Variants in UGT2B10 observed in about 807,000 individuals in gnomAD.
UGT2B10 encodes UDP glucuronosyltransferase family 2 member B10.
A neutral mutation model predicts 43.7 loss-of-function variants in UGT2B10; 51 were observed. The ratio of observed to expected loss-of-function variants is 1.17; its 90% confidence interval spans 0.93 to 1.47. The LOEUF is 1.47. Ranked by LOEUF, UGT2B10 falls within the 40% of genes most tolerant of loss-of-function variation. The pLI is 0.00. For synonymous variants in UGT2B10, 225 were observed against 209.0 expected (o/e 1.08, Z -0.66); for missense variants, 696 against 617.7 (o/e 1.13, Z -1.34).
intron 5 of UGT2B10, among the ~76,000 whole-genome samples, chr4:68,829,025 C>A (rs550634984): frequency 1.3e-4 from 20 of 151,680 alleles, no homozygotes; most frequent in Admixed American, 3.3e-4. Context: ...AATTATATAC[C>A]CAACAGATAT....
intron 3 of UGT2B10, among the ~76,000 whole-genome samples, chr4:68,822,794 A>C (rs1377133726): frequency 6.6e-6 from 1 of 152,164 alleles, no homozygotes; most frequent in South Asian, 2.1e-4. Flanking sequence ...CTTTAGAATG[A>C]CTTTCAGGTG....
At chr4:68,819,011 T>C (rs1315393759) in intron 2 of UGT2B10, among the ~76,000 whole-genome samples, 3 of 151,866 alleles carry the variant, frequency 2.0e-5, no homozygotes, top group Non-Finnish European at 4.4e-5. Flanking sequence ...GACCGAAACA[T>C]TCAGGAAATT....
intron 3 of UGT2B10, among the ~76,000 whole-genome samples, chr4:68,824,716 T>C (rs981092297): frequency 6.6e-5 from 10 of 152,146 alleles, no homozygotes; most frequent in African/African-American, 2.2e-4. Context: ...GTTTCAAAAT[T>C]AGTAACAACA....
chr4:68,828,291 T>C (rs1737902939), intron 5 of UGT2B10, among the ~76,000 whole-genome samples: 1 of 151,650 alleles, frequency 6.6e-6, no homozygotes, highest in African/African-American at 2.4e-5. Context: ...GTTTAATTCA[T>C]GTCGTTGTGT....
chr4:68,830,893 T>A lies in UGT2B10; in HGVS notation c.*14T>A, dbSNP rs1738064548. 1 of 1,609,500 alleles carries A rather than the reference T, an allele frequency of 6.2e-7. No homozygotes were observed. The highest frequency in any genetic ancestry group is 1.1e-5 in the South Asian group (1 of 90,532). ...AAAAGGGATTAGTTATATCTGAGAT[T>A]TGAAGCTGGAAAACCTGATAGATAG... On this transcript the variant is annotated 3_prime_UTR_variant, in exon 6 of 6. Transcript: ENST00000265403.
chr4:68,816,079 G>T lies in UGT2B10; in HGVS notation c.60G>T (p.Gly20=). Residue 20 remains glycine, a synonymous_variant, in exon 1 of 6, where the codon GGG becomes GGT. Coordinates refer to ENST00000265403, the MANE Select transcript of UGT2B10 (RefSeq NM_001075.6). ...LIQLSFYFSS[G]SCGKVLVWAA... is the part of the protein sequence containing the mutation. The stretch of plus-strand genomic sequence containing the variant: ...AACTCAGTTTTTACTTTAGCTCTGG[G>T]AGTTGTGGAAAGGTGCTGGTATGGG... The T allele has an allele frequency of 5.6e-6, 9 of 1,613,124 alleles. No homozygotes were observed. Among genetic ancestry groups the T allele is most frequent in the Non-Finnish European group, 7.6e-6 (9 of 1,179,358 alleles).
intron 5 of UGT2B10, among the ~76,000 whole-genome samples, chr4:68,828,832 T>C (rs1318110720): frequency 6.6e-6 from 1 of 151,886 alleles, no homozygotes; most frequent in Admixed American, 6.6e-5. Context: ...ACTTAGGAAA[T>C]ATAAAAAGAT....
intron 2 of UGT2B10, among the ~76,000 whole-genome samples, chr4:68,821,551 T>C (rs536033728): frequency 2.0e-5 from 3 of 152,178 alleles, no homozygotes; most frequent in African/African-American, 7.2e-5. Flanking sequence ...CTACTAACTA[T>C]AAACTGTACA....
chr4:68,821,672 T>A (rs1357205224), intron 2 of UGT2B10, among the ~76,000 whole-genome samples: 1 of 152,184 alleles, frequency 6.6e-6, no homozygotes, highest in South Asian at 2.1e-4. Flanking sequence ...TTTTTTATTT[T>A]ATTTTTTGAA....
chr4:68,827,564 T>C lies in UGT2B10; in HGVS notation c.1307+16T>C. On this transcript the variant is annotated intron_variant, in intron 5 of 5. Coordinates refer to ENST00000265403, the MANE Select transcript of UGT2B10 (RefSeq NM_001075.6). ...ATGATCCTTCGTGAGTAGAACAATA[T>C]TTTTCACTAGATGGTATTAATAGAT... 3 of 1,612,858 alleles carry C rather than the reference T, an allele frequency of 1.9e-6. No homozygotes were observed. The highest frequency in any genetic ancestry group is 2.5e-6 in the Non-Finnish European group (3 of 1,179,146).
chr4:68,827,789 A>G (rs57889376), intron 5 of UGT2B10, among the ~76,000 whole-genome samples: 4,897 of 152,060 alleles, frequency 0.032, 192 homozygotes, highest in African/African-American at 0.093. Flanking sequence ...TTAAAATGAT[A>G]TAGATAATAT....
rs2109691715 is a variant in UGT2B10, at chr4:68,822,252, T to A, written c.868-19T>A. On this transcript the variant is annotated intron_variant, in intron 2 of 5. Coordinates refer to ENST00000265403, the MANE Select transcript of UGT2B10 (RefSeq NM_001075.6). ...GGTGATACTCTTTTATGATGAAACA[T>A]TTTTTCTTTTTCCCACAGGAAATGG... The A allele has an allele frequency of 6.2e-7, 1 of 1,608,566 alleles. No individual in the cohort carries two copies. The highest frequency in any genetic ancestry group is 8.5e-7 in the Non-Finnish European group (1 of 1,178,922).
Position 68,816,701 on chromosome 4 carries a change from A to G in UGT2B10, c.682A>G (p.Met228Val). 6.2e-7 allele frequency: 1 copy of G among 1,610,934 alleles called. No homozygotes were observed. Among genetic ancestry groups the G allele is most frequent in the Non-Finnish European group, 8.5e-7 (1 of 1,178,396 alleles). The stretch of plus-strand genomic sequence containing the variant: ...TGACTTTTGGTTCCAAATATTTAAT[A>G]TGAAGAAGTGGGATCAGTTTTACAG... ...YFDFWFQIFN[M>V]KKWDQFYSEV... The change falls in exon 1 of 6, where the codon ATG becomes GTG. Residue 228 changes from methionine (M) to valine (V), a missense_variant. Transcript: ENST00000265403.
intron 3 of UGT2B10, among the ~76,000 whole-genome samples, chr4:68,825,022 C>A (rs6839806): frequency 0.02 from 3,086 of 152,112 alleles, 119 homozygotes; most frequent in African/African-American, 0.07. Flanking sequence ...ATACATAAAA[C>A]CCTTGCAGCA....
At chr4:68,826,297 G>A (rs1737770021) in intron 3 of UGT2B10, 113 bp from the exon 4 acceptor site, 14 of 1,170,414 alleles carry the variant, frequency 1.2e-5, no homozygotes, top group Non-Finnish European at 1.6e-5. Flanking sequence ...CAGTCTTTGA[G>A]TAGATTTATT....
At chr4:68,826,639 G>A in intron 4 of UGT2B10, 142 bp downstream of exon 4, 1 of 1,058,996 alleles carries the variant, frequency 9.4e-7, no homozygotes, top group Non-Finnish European at 1.3e-6. Context: ...AGTCCTAGGG[G>A]AAAAGAATAT....
At chr4:68,827,199 C>T in intron 4 of UGT2B10, 130 bp from the exon 5 acceptor site, 11 of 1,471,332 alleles carry the variant, frequency 7.5e-6, no homozygotes, top group Admixed American at 2.1e-5. Flanking sequence ...GTTTTTTCCT[C>T]TGAAATCTGA....
intron 3 of UGT2B10, among the ~76,000 whole-genome samples, chr4:68,824,749 G>T (rs1417324459): frequency 6.6e-6 from 1 of 152,096 alleles, no homozygotes; most frequent in Non-Finnish European, 1.5e-5. Context: ...GGCTATAGAA[G>T]AACATATTAA....
At chr4:68,821,177 G>A (rs540083802) in intron 2 of UGT2B10, among the ~76,000 whole-genome samples, 2 of 152,232 alleles carry the variant, frequency 1.3e-5, no homozygotes, top group South Asian at 4.2e-4. Context: ...TTTTTTCTAT[G>A]TTTTGTTAAA....
Sources: gnomAD v4.1 joint callset for allele counts (sites outside exome capture counted in the v4.1 genomes callset) on GRCh38, gnomAD v4.1.1 for gene constraint, MANE v1.5 for transcripts, NCBI Gene and HGNC (gene_info 2026-07-23, HGNC 2026-07-21) for gene names.